The following SLC49A3 variants were observed in gnomAD, a reference collection of about 807,000 sequenced individuals.
SLC49A3 encodes solute carrier family 49 member A3.
SLC49A3 carries 50 observed loss-of-function variants against 43.8 expected under a neutral mutation model. The observed-to-expected ratio is 1.14, with a 90% confidence interval of 0.91 to 1.45. The LOEUF is 1.45. Among genes scored for constraint, SLC49A3 ranks in the 40% most tolerant of loss-of-function variants. SLC49A3 has a pLI of 0.00. For missense variants in SLC49A3, 906 were observed against 774.1 expected, an observed-to-expected ratio of 1.17 and a Z score of -2.02; for synonymous variants, 413 against 352.0, an observed-to-expected ratio of 1.17 and a Z score of -1.94.
At chr4:684,430 C>A in intron 6 of SLC49A3, 53 bp downstream of exon 6, 2 of 1,602,944 alleles carry the variant, frequency 1.2e-6, no homozygotes, top group Non-Finnish European at 1.7e-6. Flanking sequence ...GACTCCATGG[C>A]CATATGGGGC....
At position 688,958 on chromosome 4, in the gene SLC49A3, G is replaced by C. The variant is rs773370192; in HGVS notation, c.135+35C>G. 11 of 1,576,024 alleles carry C rather than the reference G, an allele frequency of 7.0e-6. No homozygotes were observed. The Admixed American group carries it at 8.8e-5, about 13-fold the overall frequency. Reference sequence around the variant, plus strand: ...ACCCGGCTGGTCCGAGGGACTGAGGGTCCCGGAGCCACCTGTCCCCGCCCC... The same window carrying C: ...ACCCGGCTGGTCCGAGGGACTGAGGCTCCCGGAGCCACCTGTCCCCGCCCC... On this transcript the variant is annotated intron_variant, in intron 1 of 9. Coordinates refer to ENST00000322224, the MANE Select transcript of SLC49A3 (RefSeq NM_032219.4).
intron 1 of SLC49A3, among the ~76,000 whole-genome samples, chr4:688,721 G>T (rs1299741951): frequency 6.6e-6 from 1 of 152,144 alleles, no homozygotes; most frequent in African/African-American, 2.4e-5. Context: ...GGGGAAGAGG[G>T]ACCCAGGCTG....
At chr4:686,464 C>T in intron 2 of SLC49A3, 68 bp downstream of exon 2, 1 of 1,573,612 alleles carries the variant, frequency 6.4e-7, no homozygotes, top group Non-Finnish European at 8.6e-7. Context: ...GAGGCCTTGA[C>T]TCTCCTACCC....
intron 2 of SLC49A3, 26 bp downstream of exon 2, chr4:686,506 G>A (rs760907932): frequency 1.1e-5 from 17 of 1,607,946 alleles, no homozygotes; most frequent in East Asian, 6.7e-5. Flanking sequence ...GTCCCGGAGC[G>A]GGCCATGGTG....
At position 682,803 on chromosome 4, in the gene SLC49A3, C is replaced by T. The variant is rs1282845787; in HGVS notation, c.1239G>A (p.Gly413=). 7.5e-6 allele frequency: 12 copies of T among 1,596,890 alleles called. No individual in the cohort carries two copies. The highest frequency in any genetic ancestry group is 1.3e-5 in the African/African-American group (1 of 74,738). Residue 413 remains glycine (G), a synonymous_variant, in exon 9 of 10, where the codon GGG becomes GGA. Transcript: ENST00000322224. ...CACCTGTCCAGTCAAGTGGATCCTC[C>T]CCCTGCTGGCAGGTGGACAAGGACG... ...SEPSLSTCQQ[G]EDPLDWTVSL...
downstream of SLC49A3, chr4:676,920 T>C (rs1738896733): frequency 3.0e-6 from 3 of 985,370 alleles, no homozygotes; most frequent in Non-Finnish European, 3.6e-6. Context: ...GACCTGGGGA[T>C]GGCACCAGGC....
rs913127608 is a variant in SLC49A3, at chr4:685,219, C to T, written c.586-363G>A. On this transcript the variant is annotated intron_variant, in intron 4 of 9. Transcript: ENST00000322224. This position sits in a 1 kb window ranked among gnomAD's most constrained non-coding sequence, Gnocchi z 4.3. ...CGTGCATACAGACTCACGCTCAGTA[C>T]ATACCCCCAAGCACAAACACACCAC... is the stretch of plus-strand genomic sequence containing the variant. 1 of 354,456 alleles carries T rather than the reference C, an allele frequency of 2.8e-6. No individual in the cohort carries two copies. The highest frequency in any genetic ancestry group is 5.2e-6 in the Non-Finnish European group (1 of 191,014). The allele number at this position is 354,456 out of a possible 1,614,324, so 22.0% of individuals were successfully genotyped here.
In SLC49A3 at chr4:681,841, C is replaced by G. The variant is rs1198680431; in HGVS notation, c.*117G>C. 2 of 1,296,450 alleles carry G rather than the reference C, an allele frequency of 1.5e-6. No homozygotes were observed. The highest frequency in any genetic ancestry group is 2.0e-6 in the Non-Finnish European group (2 of 1,014,444). 80.3% of individuals were successfully genotyped at this position (1,296,450 alleles called of 1,614,324 possible). On this transcript the variant is annotated 3_prime_UTR_variant, in exon 10 of 10. Transcript: ENST00000322224. The stretch of plus-strand genomic sequence containing the variant: ...CACCCGGGGCCGCTGCAGGTGCGCG[C>G]TTGTAATTCGCTCCCGGAGCCCGCA...
At chr4:688,363 C>T (rs988587112) in intron 1 of SLC49A3, among the ~76,000 whole-genome samples, 1 of 152,190 alleles carries the variant, frequency 6.6e-6, no homozygotes, top group Non-Finnish European at 1.5e-5. Context: ...CTGCCCCTGC[C>T]CCCGAGCTTC....
At chr4:686,481 G>A (rs746526875) in intron 2 of SLC49A3, 51 bp downstream of exon 2, 60 of 1,585,836 alleles carry the variant, frequency 3.8e-5, no homozygotes, top group Middle Eastern at 3.8e-4. Flanking sequence ...ACCCAAATGC[G>A]GGGGCCCCTG....
At chr4:681,225 G>C, downstream of SLC49A3, 1 of 1,493,434 alleles carries the variant, frequency 6.7e-7, no homozygotes, top group South Asian at 1.2e-5. Context: ...CGCGGAGCCC[G>C]AGGAGCAGCG....
rs141140637 is a variant in SLC49A3 at position 685,717 on chromosome 4, C to T, written c.585+118G>A. On this transcript the variant is annotated intron_variant, in intron 4 of 9. Transcript: ENST00000322224. The surrounding 1 kb of genome is among the most constrained non-coding windows in gnomAD (Gnocchi z 4.3). ...TGAGACTCCTTCTCGGGTGGCGGGG[C>T]GGGGGACGGGAATCACACACGGGCA... 1.3e-3 allele frequency: 1,363 copies of T among 1,080,132 alleles called. 3 individuals are homozygous for T. Among genetic ancestry groups the T allele is most frequent in the Non-Finnish European group, 1.7e-3 (1,267 of 730,870 alleles). The allele number at this position is 1,080,132 out of a possible 1,614,324, so 66.9% of individuals were successfully genotyped here.
At chr4:688,626 G>A (rs1311997500) in intron 1 of SLC49A3, among the ~76,000 whole-genome samples, 1 of 152,184 alleles carries the variant, frequency 6.6e-6, no homozygotes, top group Non-Finnish European at 1.5e-5. Flanking sequence ...CTCCAAGCGC[G>A]CCTCTGCTGT....
At chr4:678,983 G>A (rs769440756), downstream of SLC49A3, 102 of 1,613,414 alleles carry the variant, frequency 6.3e-5, 1 homozygote, top group East Asian at 1.3e-4. Context: ...GATCAGAACC[G>A]AGATGGCTTC....
chr4:677,963 A>G, downstream of SLC49A3: 2 of 1,613,052 alleles, frequency 1.2e-6, no homozygotes, highest in Non-Finnish European at 1.7e-6. Flanking sequence ...GGGACCAAGC[A>G]GGAGCTTAAG....
chr4:689,051 T>A lies in SLC49A3; in HGVS notation c.77A>T (p.Tyr26Phe), dbSNP rs369456873. 45 of 1,584,762 alleles carry A rather than the reference T, an allele frequency of 2.8e-5. No individual in the cohort carries two copies. In the African/African-American group the frequency reaches 6.1e-4, roughly 22 times the overall value. Residue 26 changes from tyrosine to phenylalanine, a missense_variant, in exon 1 of 10, where the codon TAC becomes TTC. Transcript: ENST00000322224. Reference sequence around the variant, plus strand: ...GAGCAGGAACACCCAGCGGCGCGCGTAGGTGCGGTGGCCCCGCTGCGCGCA... The same window carrying A: ...GAGCAGGAACACCCAGCGGCGCGCGAAGGTGCGGTGGCCCCGCTGCGCGCA... ...ALCAQRGHRT[Y>F]ARRWVFLLAI...
downstream of SLC49A3, among the ~76,000 whole-genome samples, chr4:677,511 G>A (rs1738966122): frequency 6.6e-6 from 1 of 152,230 alleles, no homozygotes; most frequent in Admixed American, 6.5e-5. Context: ...TGGTCCCAGG[G>A]CCAAGGCTAT....
Position 686,646 on chromosome 4 carries a change from G to GTCT in SLC49A3, c.179_180insAGA (p.Glu59dup). 1 of 1,613,298 alleles carries GTCT rather than the reference G, an allele frequency of 6.2e-7. No homozygotes were observed. The highest frequency in any genetic ancestry group is 2.2e-5 in the East Asian group (1 of 44,878). On this transcript the variant is annotated inframe_insertion, in exon 2 of 10. Transcript: ENST00000322224. ...TGATCTGCTCCATGGACAGGACCAA[G>GTCT]TCCTCAGCAATGACGTCAGCCACAG...
chr4:680,395 G>A (rs1739336508), downstream of SLC49A3: 4 of 1,118,056 alleles, frequency 3.6e-6, no homozygotes, highest in African/African-American at 6.3e-5. Flanking sequence ...CTTGTGGGCA[G>A]AGGCTTGGAG....
Sources: gnomAD v4.1 joint callset for allele counts (sites outside exome capture counted in the v4.1 genomes callset) on GRCh38, gnomAD v4.1.1 for gene constraint, Gnocchi (gnomAD v3.1) non-coding constraint, MANE v1.5 for transcripts, NCBI Gene and HGNC (gene_info 2026-07-23, HGNC 2026-07-21) for gene names.